The following SLIT1 variants were observed in gnomAD, a reference collection of about 807,000 sequenced individuals.
SLIT1 encodes the protein slit homolog 1 protein.
Under a neutral mutation model 186.1 loss-of-function variants are expected in SLIT1, and 66 were observed. The observed-to-expected ratio is 0.35, with a 90% CI of 0.29 to 0.44. The LOEUF (loss-of-function observed/expected upper bound fraction) is 0.44. SLIT1 is among the 20% of genes least tolerant of loss of function. SLIT1 has a pLI of 1.00. For missense variants in SLIT1, 1,638 were observed against 2,037.4 expected (o/e 0.80, Z 3.77); for synonymous variants, 761 against 833.8 (o/e 0.91, Z 1.50).
At chr10:97,061,201 T>C (rs555486459) in intron 8 of SLIT1, among the ~76,000 whole-genome samples, 1 of 152,228 alleles carries the variant, frequency 6.6e-6, no homozygotes, top group Non-Finnish European at 1.5e-5. Context: ...GTGCACTACA[T>C]GCAGCATTGC....
chr10:97,095,948 G>A (rs1417248921), intron 4 of SLIT1, among the ~76,000 whole-genome samples: 1 of 152,176 alleles, frequency 6.6e-6, no homozygotes, highest in Non-Finnish European at 1.5e-5. Context: ...TGTTACCCCG[G>A]AGGCTGATGC....
At chr10:97,097,883 A>T (rs543405467) in intron 4 of SLIT1, among the ~76,000 whole-genome samples, 32 of 152,300 alleles carry the variant, frequency 2.1e-4, no homozygotes, top group African/African-American at 7.5e-4. Flanking sequence ...CTACAAAGAG[A>T]GATGGCAAGC....
intron 34 of SLIT1, among the ~76,000 whole-genome samples, chr10:97,003,782 A>G (rs1397798839): frequency 6.6e-6 from 1 of 152,156 alleles, no homozygotes; most frequent in Admixed American, 6.5e-5. Flanking sequence ...CTAGCCCAAA[A>G]CCAAGAGGAA....
intron 1 of SLIT1, among the ~76,000 whole-genome samples, chr10:97,183,438 T>C (rs1850368822): frequency 6.6e-6 from 1 of 152,214 alleles, no homozygotes; most frequent in Non-Finnish European, 1.5e-5. Flanking sequence ...TGATCTTCCA[T>C]CCTCACAAGA....
Position 97,031,647 on chromosome 10 carries a change from G to A in SLIT1, c.2469C>T (p.Ile823=), listed in dbSNP as rs751280309. 3.0e-5 allele frequency: 46 copies of A among 1,552,248 alleles called. No homozygotes were observed. The highest frequency in any genetic ancestry group is 2.0e-4 in the East Asian group (8 of 41,014). The change falls in exon 24 of 37, where the codon ATC becomes ATT. Residue 823 remains isoleucine, a synonymous_variant. Coordinates refer to ENST00000266058, the MANE Select transcript of SLIT1 (RefSeq NM_003061.3). Reference sequence around the variant, plus strand: ...GGAGTCCCTGGAAGGCCAAAGGCGGGATGCACTGCAGGGCATTGTAGCTGA... The same window carrying A: ...GGAGTCCCTGGAAGGCCAAAGGCGGAATGCACTGCAGGGCATTGTAGCTGA... The part of the protein sequence containing the change: ...LILSYNALQC[I]PPLAFQGLRS...
intron 4 of SLIT1, among the ~76,000 whole-genome samples, chr10:97,140,802 C>T (rs535688440): frequency 7.2e-5 from 11 of 152,216 alleles, no homozygotes; most frequent in Non-Finnish European, 1.5e-4. Context: ...ACAAATCAGA[C>T]ATCACTTCCA....
intron 1 of SLIT1, among the ~76,000 whole-genome samples, chr10:97,165,275 C>T (rs77487165): frequency 0.053 from 8,126 of 152,252 alleles, 243 homozygotes; most frequent in Middle Eastern, 0.085. Context: ...CTATAAAATG[C>T]GGACAACTGT....
At chr10:97,121,341 C>T (rs971825337) in intron 4 of SLIT1, among the ~76,000 whole-genome samples, 1 of 152,138 alleles carries the variant, frequency 6.6e-6, no homozygotes, top group Non-Finnish European at 1.5e-5. Context: ...CTCACCAGGA[C>T]GAGCTGATCT....
At chr10:97,178,900 C>T (rs1326126039) in intron 1 of SLIT1, among the ~76,000 whole-genome samples, 3 of 152,044 alleles carry the variant, frequency 2.0e-5, no homozygotes, top group Non-Finnish European at 4.4e-5. Context: ...TAAAATTTAA[C>T]AAAAAGTTAA....
intron 4 of SLIT1, among the ~76,000 whole-genome samples, chr10:97,137,393 A>T (rs1292829660): frequency 6.6e-6 from 1 of 152,190 alleles, no homozygotes; most frequent in Non-Finnish European, 1.5e-5. Flanking sequence ...CATCTGGAAA[A>T]TTTTGCTCTA....
At chr10:97,101,475 T>G (rs1432538179) in intron 4 of SLIT1, 1 of 152,158 alleles carries the variant, frequency 6.6e-6, no homozygotes, top group Admixed American at 6.5e-5. Context: ...TGTTCAACCC[T>G]CTCTTCTGGC....
chr10:97,137,739 C>T (rs1356719877), intron 4 of SLIT1, among the ~76,000 whole-genome samples: 2 of 152,152 alleles, frequency 1.3e-5, no homozygotes, highest in African/African-American at 2.4e-5. Context: ...GTGTGCCCCA[C>T]CATCCCCAGC....
intron 4 of SLIT1, among the ~76,000 whole-genome samples, chr10:97,119,919 A>G (rs1438540893): frequency 3.5e-5 from 4 of 113,926 alleles, no homozygotes; most frequent in East Asian, 2.6e-4. Flanking sequence ...AGGGGTATAT[A>G]TATATATATA....
intron 4 of SLIT1, among the ~76,000 whole-genome samples, chr10:97,151,546 G>A (rs1050772725): frequency 6.6e-6 from 1 of 151,598 alleles, no homozygotes; most frequent in Non-Finnish European, 1.5e-5. Flanking sequence ...GAGGTGAAGG[G>A]CAGTGGTTGA....
rs1848297947 is a variant in SLIT1, at chr10:97,000,681, G to A, written c.*431C>T. 1 of 163,736 alleles carries A rather than the reference G, an allele frequency of 6.1e-6. No homozygotes were observed. Among genetic ancestry groups the A allele is most frequent in the Admixed American group, 6.3e-5 (1 of 15,968 alleles). The allele number at this position is 163,736 out of a possible 1,614,324, so 10.1% of individuals were successfully genotyped here. A position where few individuals can be genotyped will look rare whatever the true frequency, so the allele number is the denominator to read the frequency against. On this transcript the variant is annotated 3_prime_UTR_variant, in exon 37 of 37. Coordinates refer to ENST00000266058, the MANE Select transcript of SLIT1 (RefSeq NM_003061.3). ...ATGGTTGCCCGCAGAGGGGTAAGAG[G>A]CTTCTGGGGCCACAGACCCAGTTCC...
chr10:97,043,444 G>T lies in SLIT1; in HGVS notation c.1923C>A (p.Leu641=). ...DSFTGLRNVR[L]LSLYDNQITT... ...TGATCTGGTTGTCGTAGAGCGAGAG[G>T]AGCCGGACGTTGCGCAGGCCCGTGA... The change falls in exon 19 of 37, where the codon CTC becomes CTA. Residue 641 remains leucine, a synonymous_variant. Coordinates refer to ENST00000266058, the MANE Select transcript of SLIT1 (RefSeq NM_003061.3). This position sits in a 1 kb window ranked among gnomAD's most constrained non-coding sequence, Gnocchi z 7.0. The T allele has an allele frequency of 6.2e-7, 1 of 1,614,026 alleles. No individual in the cohort carries two copies. The highest frequency in any genetic ancestry group is 1.1e-5 in the South Asian group (1 of 91,076).
At chr10:97,051,520 G>T (rs887357518) in intron 13 of SLIT1, among the ~76,000 whole-genome samples, 3 of 143,586 alleles carry the variant, frequency 2.1e-5, no homozygotes, top group African/African-American at 8.3e-5. Flanking sequence ...AATTCCAAAA[G>T]AAATGAAAAT....
intron 4 of SLIT1, among the ~76,000 whole-genome samples, chr10:97,088,416 T>C (rs1315394374): frequency 6.6e-6 from 1 of 152,182 alleles, no homozygotes; most frequent in East Asian, 1.9e-4. Context: ...AGGTGGTGAA[T>C]GACTGACAGC....
chr10:97,156,032 C>A (rs1849946820), intron 4 of SLIT1, among the ~76,000 whole-genome samples: 1 of 152,176 alleles, frequency 6.6e-6, no homozygotes, highest in Non-Finnish European at 1.5e-5. Context: ...AATCTTCTGC[C>A]TTTCGCAATC....
Sources: allele counts gnomAD v4.1 joint callset (sites outside exome capture counted in the v4.1 genomes callset), GRCh38; gene constraint gnomAD v4.1.1; non-coding constraint Gnocchi (gnomAD v3.1); transcripts MANE v1.5; gene names NCBI Gene and HGNC (gene_info 2026-07-23, HGNC 2026-07-21).